ANKRD33B: variants seen among roughly 807,000 people sequenced by gnomAD.
ANKRD33B encodes the protein ankyrin repeat domain 33B.
ANKRD33B carries 6 observed loss-of-function variants against 21.5 expected under a neutral mutation model. The ratio of observed to expected loss-of-function variants is 0.28; its 90% CI spans 0.15 to 0.55. The LOEUF is 0.55. ANKRD33B is among the 20% of genes least tolerant of loss of function. The probability of loss-of-function intolerance (pLI) is 0.94; values close to 1 mark genes in which losing one functional copy is unlikely to be tolerated. For synonymous variants in ANKRD33B, 347 were observed against 342.4 expected (o/e 1.01, Z -0.15); for missense variants, 698 against 747.2 (o/e 0.93, Z 0.77).
intron 1 of ANKRD33B, among the ~76,000 whole-genome samples, chr5:10,588,390 T>C (rs889786282): frequency 7.2e-5 from 11 of 152,228 alleles, no homozygotes; most frequent in African/African-American, 2.2e-4. Context: ...CTAGTGGACA[T>C]TGAGGTTATT....
At chr5:10,632,199 G>A (rs985440003) in intron 2 of ANKRD33B, among the ~76,000 whole-genome samples, 13 of 152,048 alleles carry the variant, frequency 8.5e-5, no homozygotes, top group Non-Finnish European at 1.3e-4. Flanking sequence ...CGTGGGGGGC[G>A]ATGGGGGAAA....
chr5:10,637,948 C>T (rs1328692845), intron 2 of ANKRD33B, 80 bp from the exon 3 acceptor site: 1 of 1,465,778 alleles, frequency 6.8e-7, no homozygotes, highest in Non-Finnish European at 9.1e-7. Flanking sequence ...GTGTTTCTTT[C>T]TCTCTCTAGG....
intron 1 of ANKRD33B, among the ~76,000 whole-genome samples, chr5:10,590,180 T>C (rs1188218301): frequency 6.6e-6 from 1 of 152,222 alleles, no homozygotes; most frequent in Non-Finnish European, 1.5e-5. Flanking sequence ...TCGTTCTAAT[T>C]TCTGGATCTT....
chr5:10,602,820 T>TA (rs1735961369), intron 1 of ANKRD33B, among the ~76,000 whole-genome samples: 1 of 151,812 alleles, frequency 6.6e-6, no homozygotes, highest in South Asian at 2.1e-4. Flanking sequence ...TTGTCATTTT[T>TA]TTTTTTTTTT....
Position 10,643,820 on chromosome 5 carries a change from A to AC in ANKRD33B, c.638-5446_638-5445insC, listed in dbSNP as rs36070916. Among the ~76,000 whole-genome samples the AC allele has an allele frequency of 8.3e-5, 3 of 36,046 alleles. No individual in the cohort carries two copies. The South Asian group carries it at 4.8e-3, about 58-fold the overall frequency. 23.6% of individuals were successfully genotyped at this position (36,046 alleles called of 152,430 possible). ...AGGCAACAGAGTGAGACTCTGTCTC[A>AC]AAAAAAAAAAAAAAAAAAAAAGAGA... On this transcript the variant is annotated intron_variant, in intron 3 of 3. Coordinates refer to ENST00000296657, the MANE Select transcript of ANKRD33B (RefSeq NM_001164440.2).
chr5:10,616,735 G>A (rs919606222), intron 1 of ANKRD33B, among the ~76,000 whole-genome samples: 7 of 152,142 alleles, frequency 4.6e-5, no homozygotes, highest in African/African-American at 1.7e-4. Context: ...GCATCTCACC[G>A]TATCTACGTC....
At chr5:10,586,910 T>C (rs1189083855) in intron 1 of ANKRD33B, among the ~76,000 whole-genome samples, 1 of 152,172 alleles carries the variant, frequency 6.6e-6, no homozygotes, top group Admixed American at 6.5e-5. Context: ...ATTGGGAGAC[T>C]CTTTAGCCTA....
chr5:10,581,452 T>A (rs1332545707), intron 1 of ANKRD33B, among the ~76,000 whole-genome samples: 2 of 152,254 alleles, frequency 1.3e-5, no homozygotes, highest in African/African-American at 4.8e-5. Context: ...CTACCCTGGA[T>A]CCGGGAGCCT....
chr5:10,623,841 C>G (rs1736477772), intron 2 of ANKRD33B, among the ~76,000 whole-genome samples: 1 of 152,200 alleles, frequency 6.6e-6, no homozygotes. Flanking sequence ...GAGGCCTCAG[C>G]CATTATCCTG....
intron 1 of ANKRD33B, among the ~76,000 whole-genome samples, chr5:10,588,316 T>G (rs1298317016): frequency 6.6e-6 from 1 of 152,200 alleles, no homozygotes; most frequent in Non-Finnish European, 1.5e-5. Context: ...AGCAAATACA[T>G]GTCGTTTTTA....
At chr5:10,567,994 TC>T (rs1432143178) in intron 1 of ANKRD33B, among the ~76,000 whole-genome samples, 1 of 152,214 alleles carries the variant, frequency 6.6e-6, no homozygotes, top group Non-Finnish European at 1.5e-5. Flanking sequence ...GTTGAGCTCT[TC>T]ATCTCTGGGC....
At chr5:10,584,366 T>C (rs1354540092) in intron 1 of ANKRD33B, among the ~76,000 whole-genome samples, 1 of 152,010 alleles carries the variant, frequency 6.6e-6, no homozygotes, top group Non-Finnish European at 1.5e-5. Context: ...GGCAACATAG[T>C]AAGACCCTGT....
At position 10,592,374 on chromosome 5, in the gene ANKRD33B, A is replaced by C. The variant is rs968656365; in HGVS notation, c.367-25959A>C. Among the ~76,000 whole-genome samples, 4 of 144,888 alleles carry C rather than the reference A, an allele frequency of 2.8e-5. No homozygotes were observed. The Admixed American group carries it at 2.9e-4, about 10-fold the overall frequency. The stretch of plus-strand genomic sequence containing the variant: ...ATGCCTGTAATCCCAGCACTTTGGG[A>C]GGCCAGGGCGGGCGGATCACCTGAG... On this transcript the variant is annotated intron_variant, in intron 1 of 3. Transcript: ENST00000296657.
Position 10,629,783 on chromosome 5 carries a change from G to A in ANKRD33B, c.497-8245G>A, listed in dbSNP as rs148411290. Among the ~76,000 whole-genome samples, 627 of 152,148 alleles carry A rather than the reference G, an allele frequency of 4.1e-3. 6 individuals carry two copies. The highest frequency in any genetic ancestry group is 0.014 in the African/African-American group (598 of 41,484). ...CAGGAGCTCAGAATGTTGAGAGGGCGGAAAATCAGAAGGGTGAGCATCTGC... is the reference window on the plus strand; with the variant it reads ...CAGGAGCTCAGAATGTTGAGAGGGCAGAAAATCAGAAGGGTGAGCATCTGC... On this transcript the variant is annotated intron_variant, in intron 2 of 3. Coordinates refer to ENST00000296657, the MANE Select transcript of ANKRD33B (RefSeq NM_001164440.2).
intron 1 of ANKRD33B, among the ~76,000 whole-genome samples, chr5:10,589,586 T>G (rs1019756771): frequency 2.0e-5 from 3 of 152,236 alleles, no homozygotes; most frequent in Non-Finnish European, 4.4e-5. Flanking sequence ...TCATATCACA[T>G]GTTTACTAGC....
intron 1 of ANKRD33B, among the ~76,000 whole-genome samples, chr5:10,606,231 CA>C (rs1736042117): frequency 6.6e-6 from 1 of 152,240 alleles, no homozygotes; most frequent in East Asian, 1.9e-4. Context: ...ACGTTTTATG[CA>C]AAATTTAGTC....
At chr5:10,594,964 C>T (rs546397596) in intron 1 of ANKRD33B, among the ~76,000 whole-genome samples, 4 of 152,276 alleles carry the variant, frequency 2.6e-5, no homozygotes, top group South Asian at 2.1e-4. Flanking sequence ...TTTCACTCCC[C>T]GGGTGATTGG....
intron 1 of ANKRD33B, among the ~76,000 whole-genome samples, chr5:10,594,129 T>C (rs1463752379): frequency 6.6e-6 from 1 of 151,448 alleles, no homozygotes; most frequent in African/African-American, 2.5e-5. Flanking sequence ...TTCACTCTTA[T>C]TCAGGGAGGG....
intron 1 of ANKRD33B, among the ~76,000 whole-genome samples, chr5:10,607,954 C>G (rs10070572): frequency 0.014 from 2,151 of 152,288 alleles, 40 homozygotes; most frequent in African/African-American, 0.049. Flanking sequence ...GGCGTCCTCT[C>G]GTGACCTGTG....
Sources: gnomAD v4.1 joint callset for allele counts (sites outside exome capture counted in the v4.1 genomes callset) on GRCh38, gnomAD v4.1.1 for gene constraint, MANE v1.5 for transcripts, NCBI Gene and HGNC (gene_info 2026-07-23, HGNC 2026-07-21) for gene names.